The following RP2 variants were observed in gnomAD, a reference collection of about 807,000 sequenced individuals.
RP2 encodes the protein protein XRP2.
Under a neutral mutation model 20.3 loss-of-function variants are expected in RP2, and 3 were observed. The observed-to-expected ratio is 0.15, with a 90% confidence interval of 0.07 to 0.38. The LOEUF is 0.38. Ranked by LOEUF, RP2 falls within the 10% of genes least tolerant of loss-of-function variation. The probability of loss-of-function intolerance (pLI) is 1.00; values close to 1 mark genes in which losing one functional copy is unlikely to be tolerated. For synonymous variants in RP2, 75 were observed against 94.8 expected (o/e 0.79, Z 1.22); for missense variants, 233 against 268.5 (o/e 0.87, Z 0.92).
At chrX:46,858,371 A>G (rs192082772) in intron 2 of RP2, among the ~76,000 whole-genome samples, 7 of 111,442 alleles carry the variant, frequency 6.3e-5, no homozygotes, top group Admixed American at 3.8e-4. Flanking sequence ...CTTCATTTCT[A>G]TTTTTTATTT....
At chrX:46,846,460 G>C (rs1414405357) in intron 1 of RP2, among the ~76,000 whole-genome samples, 2 of 109,789 alleles carry the variant, frequency 1.8e-5, no homozygotes, top group Non-Finnish European at 3.8e-5. Context: ...AGTGGCATAT[G>C]CCTGTAGTCC....
chrX:46,862,548 T>C (rs1195168793), intron 3 of RP2, among the ~76,000 whole-genome samples: 2 of 108,757 alleles, frequency 1.8e-5, no homozygotes, highest in Non-Finnish European at 3.8e-5. Context: ...TAGTCCCAGC[T>C]ACTCAGGAGG....
At chrX:46,853,358 T>C (rs968959901) in intron 1 of RP2, 118 bp from the exon 2 acceptor site, 4 of 609,200 alleles carry the variant, frequency 6.6e-6, no homozygotes, top group Non-Finnish European at 1.0e-5. Flanking sequence ...TTCAAAGTCA[T>C]TGAGATTAAG....
In RP2 at chrX:46,853,625, T is replaced by A; in HGVS notation, c.252T>A (p.Asp84Glu). The stretch of plus-strand genomic sequence containing the variant: ...ATCACTCTGCTACAGTTACCATTGA[T>A]GACTGTACTAACTGCATAATTTTTC... ...IFDHSATVTIDDCTNCIIFLG... is the reference protein window; with the variant it reads ...IFDHSATVTIEDCTNCIIFLG... The change falls in exon 2 of 5, where the codon GAT becomes GAA. Residue 84 changes from aspartate to glutamate, a missense_variant. Physicochemically the swap from Asp to Glu is conservative, Grantham distance 45. Transcript: ENST00000218340. 8.3e-7 allele frequency: 1 copy of A among 1,211,906 alleles called. No homozygotes were observed. The highest frequency in any genetic ancestry group is 1.1e-6 in the Non-Finnish European group (1 of 895,541).
intron 3 of RP2, among the ~76,000 whole-genome samples, chrX:46,874,808 C>T (rs1833313076): frequency 9.1e-6 from 1 of 110,316 alleles, no homozygotes; most frequent in African/African-American, 3.3e-5. Context: ...CTAAAATAGA[C>T]CCACTTACTG....
At chrX:46,878,326 G>C (rs1453521360) in intron 4 of RP2, among the ~76,000 whole-genome samples, 2 of 103,052 alleles carry the variant, frequency 1.9e-5, no homozygotes, top group African/African-American at 7.1e-5. Context: ...GCAGTGAGCC[G>C]AGATCCCGCC....
chrX:46,853,454 G>A, intron 1 of RP2, 22 bp from the exon 2 acceptor site: 1 of 1,197,826 alleles, frequency 8.3e-7, no homozygotes, highest in Non-Finnish European at 1.1e-6. Flanking sequence ...TAATACTCAA[G>A]GTCTGTGTTT....
At position 46,852,263 on chromosome X, in the gene RP2, G is replaced by A. The variant is rs185883830; in HGVS notation, c.103-1213G>A. ...GAAGGGAAGGAAGAGAGGAAGGGAG[G>A]GAGGGAGGAAGGAAGGAAGGAAGTA... On this transcript the variant is annotated intron_variant, in intron 1 of 4. Transcript: ENST00000218340. Among the ~76,000 whole-genome samples the A allele has an allele frequency of 2.8e-3, 314 of 111,027 alleles. 2 individuals are homozygous for A. The East Asian group carries it at 0.046, about 16-fold the overall frequency.
At chrX:46,855,994 CT>C (rs1924953119) in intron 2 of RP2, among the ~76,000 whole-genome samples, 1 of 111,517 alleles carries the variant, frequency 9.0e-6, no homozygotes, top group African/African-American at 3.3e-5. Context: ...TATATTTTCT[CT>C]TTTGCTTATG....
intron 1 of RP2, among the ~76,000 whole-genome samples, chrX:46,842,582 T>G (rs1556315116): frequency 8.9e-6 from 1 of 112,000 alleles, no homozygotes. Context: ...TTTTAGAACA[T>G]TTTCATCCCT....
chrX:46,875,295 C>CTT (rs782675753), intron 3 of RP2, among the ~76,000 whole-genome samples: 31 of 88,474 alleles, frequency 3.5e-4, no homozygotes, highest in African/African-American at 1.1e-3. Flanking sequence ...TATTTTCTTT[C>CTT]TTTTTTTTTT....
chrX:46,844,969 T>C (rs1349979345), intron 1 of RP2, among the ~76,000 whole-genome samples: 1 of 112,366 alleles, frequency 8.9e-6, no homozygotes, highest in Non-Finnish European at 1.9e-5. Flanking sequence ...TTGGCTTGCA[T>C]AAATGTCTTC....
At chrX:46,873,950 G>A (rs1281399774) in intron 3 of RP2, among the ~76,000 whole-genome samples, 2 of 107,986 alleles carry the variant, frequency 1.9e-5, no homozygotes, top group Non-Finnish European at 3.8e-5. Flanking sequence ...AATTTGAGAG[G>A]ATGTGAATCA....
Position 46,880,029 on chromosome X carries a change from ATTC to A in RP2, c.*263_*265del, listed in dbSNP as rs1925444662. ...GCAGTTTTGTTTCTCTGCATATGAT[ATTC>A]TTATTAGAAAACAGAAGTAGCTAAA... On this transcript the variant is annotated 3_prime_UTR_variant, in exon 5 of 5. Coordinates refer to ENST00000218340, the MANE Select transcript of RP2 (RefSeq NM_006915.3). 9.5e-6 allele frequency: 2 copies of A among 211,355 alleles called. No homozygotes were observed. The highest frequency in any genetic ancestry group is 1.7e-4 in the East Asian group (2 of 12,060). 17.4% of individuals were successfully genotyped at this position (211,355 alleles called of 1,213,427 possible).
At chrX:46,843,159 C>T (rs1027343947) in intron 1 of RP2, among the ~76,000 whole-genome samples, 35 of 109,920 alleles carry the variant, frequency 3.2e-4, no homozygotes, top group Middle Eastern at 4.7e-3. Flanking sequence ...AGGCGCCCGC[C>T]GCCACGCCCG....
intron 3 of RP2, among the ~76,000 whole-genome samples, chrX:46,861,432 T>C (rs1556320084): frequency 8.9e-6 from 1 of 111,926 alleles, no homozygotes. Context: ...TAAACAAGTC[T>C]TAAAAACAAG....
intron 1 of RP2, among the ~76,000 whole-genome samples, chrX:46,842,816 TGG>T (rs2147076720): frequency 8.9e-6 from 1 of 111,866 alleles, no homozygotes; most frequent in East Asian, 2.8e-4. Context: ...TTCTATTGTA[TGG>T]ATATACCACA....
At chrX:46,867,418 T>C (rs782683813) in intron 3 of RP2, among the ~76,000 whole-genome samples, 1 of 112,980 alleles carries the variant, frequency 8.9e-6, no homozygotes, top group East Asian at 2.8e-4. Flanking sequence ...TCCTTTTTAT[T>C]GCTGAATAGT....
rs781792974 is a variant in RP2 at position 46,854,041 on chromosome X, T to A, written c.668T>A (p.Ile223Lys). ...STEANRSIVP[I>K]SRGQRQKSSD... is the part of the protein sequence containing the mutation. ...GAAGCCAATAGAAGCATTGTTCCAATATCCCGGGGTCAGAGACAGAAGAGC... is the reference window on the plus strand; with the variant it reads ...GAAGCCAATAGAAGCATTGTTCCAAAATCCCGGGGTCAGAGACAGAAGAGC... The change falls in exon 2 of 5, where the codon ATA becomes AAA. Residue 223 changes from isoleucine (I) to lysine (K), a missense_variant. By Grantham distance (102) the Ile-to-Lys change is moderately radical. Coordinates refer to ENST00000218340, the MANE Select transcript of RP2 (RefSeq NM_006915.3). 12 of 1,209,995 alleles carry A rather than the reference T, an allele frequency of 9.9e-6. No homozygotes were observed. The highest frequency in any genetic ancestry group is 1.2e-5 in the Non-Finnish European group (11 of 895,143).
Sources: gnomAD v4.1 joint callset for allele counts (sites outside exome capture counted in the v4.1 genomes callset) on GRCh38, gnomAD v4.1.1 for gene constraint, MANE v1.5 for transcripts, NCBI Gene and HGNC (gene_info 2026-07-23, HGNC 2026-07-21) for gene names.